The following LOC128706666 variants were observed in gnomAD, a reference collection of about 807,000 sequenced individuals.
At chr20:10,419,789 A>T in the LOC128706666 span, among the ~76,000 whole-genome samples, 120 of 152,354 alleles carry the variant, frequency 7.9e-4, no homozygotes, top group African/African-American at 2.6e-3. Flanking sequence ...GAAGTAGAAT[A>T]TCCCAGGATT....
chr20:10,433,471 T>G, the LOC128706666 span, among the ~76,000 whole-genome samples: 3 of 152,204 alleles, frequency 2.0e-5, no homozygotes, highest in Non-Finnish European at 2.9e-5. Flanking sequence ...GACACGTGTA[T>G]ATCTGTTTAT....
chr20:10,414,581 A>C, the LOC128706666 span, among the ~76,000 whole-genome samples: 1 of 152,176 alleles, frequency 6.6e-6, no homozygotes, highest in Admixed American at 6.5e-5. Context: ...TGAGTCTTAA[A>C]AGAAGTCCCA....
At chr20:10,421,408 C>T in the LOC128706666 span, among the ~76,000 whole-genome samples, 1 of 135,774 alleles carries the variant, frequency 7.4e-6, no homozygotes, top group East Asian at 2.1e-4. Flanking sequence ...CAGAATGAGA[C>T]TCCATCACAA....
At chr20:10,424,176 A>G in the LOC128706666 span, among the ~76,000 whole-genome samples, 1 of 152,160 alleles carries the variant, frequency 6.6e-6, no homozygotes, top group Admixed American at 6.5e-5. Context: ...TCACTGAGCA[A>G]GATGGAATTA....
the LOC128706666 span, among the ~76,000 whole-genome samples, chr20:10,432,938 G>C: frequency 6.6e-6 from 1 of 152,166 alleles, no homozygotes; most frequent in Non-Finnish European, 1.5e-5. Flanking sequence ...GCAGTGTTTA[G>C]GGAATGACAA....
the LOC128706666 span, among the ~76,000 whole-genome samples, chr20:10,417,920 T>C: frequency 6.6e-6 from 1 of 152,156 alleles, no homozygotes; most frequent in Non-Finnish European, 1.5e-5. Context: ...GGGAAATTTT[T>C]TAAAAGGCAG....
chr20:10,416,356 G>A, the LOC128706666 span, among the ~76,000 whole-genome samples: 1 of 152,090 alleles, frequency 6.6e-6, no homozygotes, highest in Non-Finnish European at 1.5e-5. Context: ...GTAAGCTGGG[G>A]TCCTTTTCTG....
the LOC128706666 span, among the ~76,000 whole-genome samples, chr20:10,430,718 G>A: frequency 7.2e-5 from 11 of 152,198 alleles, no homozygotes; most frequent in African/African-American, 2.7e-4. Context: ...TAACTGTCAA[G>A]CTTCTAAAGT....
the LOC128706666 span, among the ~76,000 whole-genome samples, chr20:10,427,380 T>G: frequency 6.6e-6 from 1 of 152,170 alleles, no homozygotes; most frequent in Non-Finnish European, 1.5e-5. Context: ...TTTTAAAAAC[T>G]TCCACTGAAT....
At chr20:10,422,958 G>T in the LOC128706666 span, among the ~76,000 whole-genome samples, 1 of 152,036 alleles carries the variant, frequency 6.6e-6, no homozygotes, top group East Asian at 1.9e-4. Flanking sequence ...CGATCCGCTC[G>T]CCTCGGCCTC....
the LOC128706666 span, among the ~76,000 whole-genome samples, chr20:10,418,156 CACAT>C: frequency 2.0e-5 from 3 of 152,230 alleles, no homozygotes; most frequent in African/African-American, 7.2e-5. Context: ...CTGTTAAAGA[CACAT>C]ACAAAAGGAC....
the LOC128706666 span, among the ~76,000 whole-genome samples, chr20:10,419,677 A>G: frequency 6.6e-6 from 1 of 152,232 alleles, no homozygotes; most frequent in African/African-American, 2.4e-5. Flanking sequence ...TTACCTGAAC[A>G]TAAGCGCGGA....
chr20:10,420,380 T>C, the LOC128706666 span: 1 of 152,180 alleles, frequency 6.6e-6, no homozygotes, highest in Non-Finnish European at 1.5e-5. Context: ...TAGAAACAAC[T>C]GCAGAATAGT....
the LOC128706666 span, among the ~76,000 whole-genome samples, chr20:10,416,807 A>G: frequency 2.1e-4 from 32 of 152,300 alleles, no homozygotes; most frequent in African/African-American, 7.5e-4. Flanking sequence ...CCTATGGACC[A>G]TATCCAGACT....
chr20:10,420,219 T>C, the LOC128706666 span, among the ~76,000 whole-genome samples: 4 of 152,252 alleles, frequency 2.6e-5, no homozygotes, highest in African/African-American at 9.6e-5. Flanking sequence ...TTGTATAAAT[T>C]TGGACTTTTG....
At chr20:10,414,857 T>C in the LOC128706666 span, among the ~76,000 whole-genome samples, 6 of 152,210 alleles carry the variant, frequency 3.9e-5, no homozygotes, top group African/African-American at 1.4e-4. Flanking sequence ...GCTAATTTTC[T>C]ATCATTTTAC....
chr20:10,424,918 T>G, the LOC128706666 span, among the ~76,000 whole-genome samples: 1 of 151,970 alleles, frequency 6.6e-6, no homozygotes. Context: ...GCTGGTGTGG[T>G]GGCAGGCGCC....
At chr20:10,421,747 C>T in the LOC128706666 span, among the ~76,000 whole-genome samples, 2 of 151,528 alleles carry the variant, frequency 1.3e-5, no homozygotes, top group African/African-American at 2.4e-5. Context: ...TAGACAGTTG[C>T]CTGGAGTTAC....
the LOC128706666 span, among the ~76,000 whole-genome samples, chr20:10,414,764 T>C: frequency 6.6e-6 from 1 of 152,280 alleles, no homozygotes; most frequent in East Asian, 1.9e-4. Flanking sequence ...CACTAATGTA[T>C]AGTCTATATT....
Sources: gnomAD v4.1 joint callset for allele counts (sites outside exome capture counted in the v4.1 genomes callset) on GRCh38, gnomAD v4.1.1 for gene constraint, MANE v1.5 for transcripts.